Variants in MSRB2 observed in about 807,000 individuals in gnomAD.
MSRB2 encodes methionine sulfoxide reductase B2.
A neutral mutation model predicts 19.0 loss-of-function variants in MSRB2; 17 were observed. That is an observed-to-expected ratio of 0.89 (90% CI 0.61 to 1.34). The LOEUF (loss-of-function observed/expected upper bound fraction) is 1.34, where lower values mean the gene tolerates loss of function less well. Among genes scored for constraint, MSRB2 ranks in the 40% most tolerant of loss-of-function variants. The probability of loss-of-function intolerance (pLI) is 0.00; values close to 1 mark genes in which losing one functional copy is unlikely to be tolerated. For synonymous variants in MSRB2, 107 were observed against 99.7 expected (o/e 1.07, Z -0.44); for missense variants, 208 against 237.6 (o/e 0.88, Z 0.82).
intron 3 of MSRB2, among the ~76,000 whole-genome samples, chr10:23,112,586 T>A (rs1298289907): frequency 6.6e-6 from 1 of 152,170 alleles, no homozygotes; most frequent in African/African-American, 2.4e-5. Flanking sequence ...ATGATGTTTT[T>A]GTTGTTTTGT....
At chr10:23,100,670 AACTC>A (rs1225484748) in intron 1 of MSRB2, among the ~76,000 whole-genome samples, 1 of 152,120 alleles carries the variant, frequency 6.6e-6, no homozygotes, top group Non-Finnish European at 1.5e-5. Context: ...ATCTCTCGAT[AACTC>A]ACTATCACGA....
intron 4 of MSRB2, among the ~76,000 whole-genome samples, chr10:23,119,993 A>C (rs574950743): frequency 4.7e-4 from 71 of 152,308 alleles, no homozygotes; most frequent in African/African-American, 1.7e-3. Flanking sequence ...GCCTCTCTCT[A>C]ATGTGGCCTT....
Position 23,110,268 on chromosome 10 carries a change from CAAG to C in MSRB2, c.247_249del (p.Lys83del). On this transcript the variant is annotated inframe_deletion, in exon 3 of 5. Transcript: ENST00000376510. ...CTTTCAGTGGGATCTACCTGAATAA[CAAG>C]GAAGCAGGAATGTATCATTGCGTGT... The C allele has an allele frequency of 6.2e-7, 1 of 1,613,912 alleles. No homozygotes were observed. The highest frequency in any genetic ancestry group is 8.5e-7 in the Non-Finnish European group (1 of 1,179,876).
intron 2 of MSRB2, among the ~76,000 whole-genome samples, chr10:23,105,081 G>T (rs1008359289): frequency 3.3e-5 from 5 of 152,260 alleles, no homozygotes; most frequent in South Asian, 2.1e-4. Flanking sequence ...CGGGTAAGAG[G>T]TGGAAACATT....
rs1840155307 is a variant in MSRB2, at chr10:23,119,366, C to T, written c.359C>T (p.Ser120Phe). Residue 120 changes from serine to phenylalanine, a missense_variant, in exon 4 of 5, where the codon TCT (serine) becomes TTT (phenylalanine). Coordinates refer to ENST00000376510, the MANE Select transcript of MSRB2 (RefSeq NM_012228.4). ...WPSFSEAHGT[S>F]GSDESHTGIL... is the part of the protein sequence containing the mutation. ...TCGTTTTCCGAGGCTCATGGTACGTCTGGCTCTGATGAAAGCCACACAGGG... is the reference window on the plus strand; with the variant it reads ...TCGTTTTCCGAGGCTCATGGTACGTTTGGCTCTGATGAAAGCCACACAGGG... 6.2e-7 allele frequency: 1 copy of T among 1,614,024 alleles called. No individual in the cohort carries two copies. Among genetic ancestry groups the T allele is most frequent in the African/African-American group, 1.3e-5 (1 of 74,930 alleles).
intron 2 of MSRB2, 51 bp downstream of exon 2, chr10:23,104,295 G>A: frequency 2.0e-6 from 3 of 1,529,496 alleles, no homozygotes; most frequent in South Asian, 1.2e-5. Context: ...GGCAGTGAGG[G>A]GCCAGTTGGA....
intron 4 of MSRB2, among the ~76,000 whole-genome samples, chr10:23,119,741 C>G (rs753463386): frequency 1.1e-4 from 17 of 152,080 alleles, no homozygotes; most frequent in Non-Finnish European, 1.9e-4. Context: ...ATTACAGGTG[C>G]CTGCCACCAC....
Position 23,104,197 on chromosome 10 carries a change from C to G in MSRB2, c.172C>G (p.Leu58Val), listed in dbSNP as rs1839960012. 3.7e-6 allele frequency: 6 copies of G among 1,613,898 alleles called. No homozygotes were observed. In the East Asian group the frequency reaches 1.1e-4, roughly 30 times the overall value. The stretch of plus-strand genomic sequence containing the variant: ...TGCCAAGAGTGAGTGGCAAAAGAAA[C>G]TAACCCCGGAGCAGTTCTACGTCAC... ...PLAKSEWQKK[L>V]TPEQFYVTRE... The change falls in exon 2 of 5, where the codon CTA (leucine) becomes GTA (valine). Residue 58 changes from leucine to valine, a missense_variant. Coordinates refer to ENST00000376510, the MANE Select transcript of MSRB2 (RefSeq NM_012228.4).
At chr10:23,100,667 G>A (rs1473834767) in intron 1 of MSRB2, among the ~76,000 whole-genome samples, 4 of 152,132 alleles carry the variant, frequency 2.6e-5, no homozygotes, top group Non-Finnish European at 5.9e-5. Flanking sequence ...CAGATCTCTC[G>A]ATAACTCACT....
intron 4 of MSRB2, 90 bp downstream of exon 4, chr10:23,119,541 T>C (rs1274412437): frequency 3.4e-6 from 5 of 1,449,900 alleles, no homozygotes; most frequent in South Asian, 2.7e-5. Context: ...GGTGTCCTTT[T>C]ATAGGGGTAC....
Position 23,121,074 on chromosome 10 carries a change from C to A in MSRB2, c.*212C>A. 2.3e-6 allele frequency: 1 copy of A among 433,208 alleles called. No homozygotes were observed. Among genetic ancestry groups the A allele is most frequent in the Non-Finnish European group, 4.1e-6 (1 of 245,892 alleles). 26.8% of individuals were successfully genotyped at this position (433,208 alleles called of 1,614,324 possible). On this transcript the variant is annotated 3_prime_UTR_variant, in exon 5 of 5. Transcript: ENST00000376510. The stretch of plus-strand genomic sequence containing the variant: ...GTGTTGCTATAAAGAAGTACCTGAT[C>A]AGGATCTGGGAGAATTTGAAAAAAA...
chr10:23,104,541 A>G (rs1328074077), intron 2 of MSRB2, among the ~76,000 whole-genome samples: 1 of 152,040 alleles, frequency 6.6e-6, no homozygotes, highest in Non-Finnish European at 1.5e-5. Context: ...GTGCATGGCC[A>G]TTCTTGCTCC....
At position 23,121,879 on chromosome 10, in the gene MSRB2, A is replaced by C. The variant is rs746040213; in HGVS notation, c.*1017A>C. ...TAAATGTCTTGAGCATGCTACTTCC[A>C]ACCATTCTACCCACAAATAAACTGC... On this transcript the variant is annotated 3_prime_UTR_variant, in exon 5 of 5. Transcript: ENST00000376510. 2.0e-4 allele frequency: 31 copies of C among 152,172 alleles called. No homozygotes were observed. Among genetic ancestry groups the C allele is most frequent in the Admixed American group, 8.5e-4 (13 of 15,282 alleles). 9.4% of individuals were successfully genotyped at this position (152,172 alleles called of 1,614,324 possible). A position where few individuals can be genotyped will look rare whatever the true frequency, so the allele number is the denominator to read the frequency against.
At position 23,121,546 on chromosome 10, in the gene MSRB2, A is replaced by G. The variant is rs1346737840; in HGVS notation, c.*684A>G. 3.9e-5 allele frequency: 6 copies of G among 152,274 alleles called. No homozygotes were observed. Among genetic ancestry groups the G allele is most frequent in the African/African-American group, 1.4e-4 (6 of 41,444 alleles). 9.4% of individuals were successfully genotyped at this position (152,274 alleles called of 1,614,324 possible). ...CTCCCACTTGGAGTAGAACTTCACA[A>G]AACGACAGAGGGACAGCTGTTTCCA... On this transcript the variant is annotated 3_prime_UTR_variant, in exon 5 of 5. Coordinates refer to ENST00000376510, the MANE Select transcript of MSRB2 (RefSeq NM_012228.4).
In MSRB2 at chr10:23,119,286, C is replaced by G. The variant is rs757057592; in HGVS notation, c.297-18C>G. The G allele has an allele frequency of 4.3e-6, 7 of 1,612,666 alleles. No individual in the cohort carries two copies. The highest frequency in any genetic ancestry group is 5.9e-6 in the Non-Finnish European group (7 of 1,179,072). On this transcript the variant is annotated intron_variant, in intron 3 of 4. Transcript: ENST00000376510. ...ACAGTGTCATTAGCAGCTGTAGTATCGTTTATGTCTTCCACAGTTCTGAGA... is the reference window on the plus strand; with the variant it reads ...ACAGTGTCATTAGCAGCTGTAGTATGGTTTATGTCTTCCACAGTTCTGAGA...
At chr10:23,099,648 A>G (rs1839905145) in intron 1 of MSRB2, among the ~76,000 whole-genome samples, 1 of 152,224 alleles carries the variant, frequency 6.6e-6, no homozygotes, top group Non-Finnish European at 1.5e-5. Flanking sequence ...GAGTCCAGGC[A>G]TTCAAGGCTG....
intron 3 of MSRB2, among the ~76,000 whole-genome samples, chr10:23,110,994 T>A (rs1840045275): frequency 6.6e-6 from 1 of 152,150 alleles, no homozygotes; most frequent in African/African-American, 2.4e-5. Flanking sequence ...TTCAAAGATG[T>A]TTTCCTTTCT....
At chr10:23,096,305 G>C (rs1839865694) in intron 1 of MSRB2, among the ~76,000 whole-genome samples, 1 of 141,320 alleles carries the variant, frequency 7.1e-6, no homozygotes, top group Non-Finnish European at 1.5e-5. Flanking sequence ...GTTAATGACT[G>C]AGACAGAGAC....
intron 2 of MSRB2, among the ~76,000 whole-genome samples, chr10:23,106,821 T>A (rs143333280): frequency 6.6e-6 from 1 of 152,172 alleles, no homozygotes; most frequent in African/African-American, 2.4e-5. Flanking sequence ...TGGATTTCCA[T>A]TGGCCCCGTC....
Sources: allele counts gnomAD v4.1 joint callset (sites outside exome capture counted in the v4.1 genomes callset), GRCh38; gene constraint gnomAD v4.1.1; transcripts MANE v1.5; gene names NCBI Gene and HGNC (gene_info 2026-07-23, HGNC 2026-07-21).